The following CSGALNACT2 variants were observed in gnomAD, a reference collection of about 807,000 sequenced individuals.
CSGALNACT2 encodes beta 4 GalNAcT-2.
CSGALNACT2 carries 35 observed loss-of-function variants against 55.3 expected under a neutral mutation model. The observed-to-expected ratio is 0.63, with a 90% CI of 0.48 to 0.84. The LOEUF (loss-of-function observed/expected upper bound fraction) is 0.84, where lower values mean the gene tolerates loss of function less well. Among genes scored for constraint, CSGALNACT2 ranks in the 40% least tolerant of loss-of-function variants. The pLI, the probability that CSGALNACT2 is intolerant of heterozygous loss-of-function variation, is 0.00. For missense variants in CSGALNACT2, 544 were observed against 657.5 expected (o/e 0.83, Z 1.89); for synonymous variants, 196 against 224.9 (o/e 0.87, Z 1.15).
At chr10:43,167,322 GT>G (rs1264655686) in intron 6 of CSGALNACT2, among the ~76,000 whole-genome samples, 1 of 151,400 alleles carries the variant, frequency 6.6e-6, no homozygotes, top group Non-Finnish European at 1.5e-5. Flanking sequence ...GGGGAGCAGA[GT>G]TTAGGTCATA....
rs188393201 is a variant in CSGALNACT2, at chr10:43,151,027, C to G, written c.-253-3870C>G. The stretch of plus-strand genomic sequence containing the variant: ...TCATCTCAGACACTGAAATTTTCAT[C>G]TCCTGAAGTTTAACTTGGATCTCTT... On this transcript the variant is annotated intron_variant, in intron 1 of 7. Coordinates refer to ENST00000374466, the MANE Select transcript of CSGALNACT2 (RefSeq NM_018590.5). Among the ~76,000 whole-genome samples the G allele has an allele frequency of 2.0e-4, 30 of 152,310 alleles. No homozygotes were observed. The East Asian group carries it at 5.2e-3, about 26-fold the overall frequency.
chr10:43,181,350 G>A (rs899240434), intron 7 of CSGALNACT2, among the ~76,000 whole-genome samples: 2 of 152,206 alleles, frequency 1.3e-5, no homozygotes, highest in Non-Finnish European at 2.9e-5. Flanking sequence ...AGACCTAAGA[G>A]GAGTTGTTGC....
intron 1 of CSGALNACT2, among the ~76,000 whole-genome samples, chr10:43,152,898 T>C (rs989645964): frequency 1.3e-5 from 2 of 152,158 alleles, no homozygotes; most frequent in African/African-American, 4.8e-5. Flanking sequence ...AATTCAAGTG[T>C]TTTCTTATGC....
At chr10:43,162,994 A>T in intron 4 of CSGALNACT2, 1 of 985,312 alleles carries the variant, frequency 1.0e-6, no homozygotes, top group South Asian at 4.7e-5. Context: ...TCCCATTTTA[A>T]GATTCCGTTG....
At chr10:43,143,131 C>A (rs1395834991) in intron 1 of CSGALNACT2, among the ~76,000 whole-genome samples, 1 of 152,170 alleles carries the variant, frequency 6.6e-6, no homozygotes, top group South Asian at 2.1e-4. Context: ...TGATGCAGAT[C>A]TTTGAATTCA....
intron 1 of CSGALNACT2, among the ~76,000 whole-genome samples, chr10:43,150,948 T>A (rs1838862494): frequency 6.6e-6 from 1 of 152,230 alleles, no homozygotes; most frequent in Non-Finnish European, 1.5e-5. Flanking sequence ...TCTAGTTTAC[T>A]AATATTTTCT....
intron 1 of CSGALNACT2, among the ~76,000 whole-genome samples, chr10:43,151,785 G>T (rs1838880606): frequency 1.3e-5 from 2 of 152,152 alleles, no homozygotes; most frequent in African/African-American, 2.4e-5. Context: ...TCCTTGTGTG[G>T]CTCAGAAACT....
At chr10:43,155,843 T>G (rs764257096) in intron 2 of CSGALNACT2, 33 bp downstream of exon 2, 30 of 1,538,428 alleles carry the variant, frequency 2.0e-5, no homozygotes, top group Non-Finnish European at 2.4e-5. Context: ...CAATATTATG[T>G]TAGTAAGACA....
rs1203329877 is a variant in CSGALNACT2 at position 43,182,815 on chromosome 10, C to CA, written c.1337-434dup. Among the ~76,000 whole-genome samples the CA allele has an allele frequency of 2.0e-5, 3 of 149,526 alleles. No individual in the cohort carries two copies. In the East Asian group the frequency reaches 5.9e-4, roughly 29 times the overall value. ...GCCTGAGCCACGGAGGTCGATGCTG[C>CA]AGTGAGCCATGATCACACCACTGCA... is the stretch of plus-strand genomic sequence containing the variant. On this transcript the variant is annotated intron_variant, in intron 7 of 7. Coordinates refer to ENST00000374466, the MANE Select transcript of CSGALNACT2 (RefSeq NM_018590.5).
intron 1 of CSGALNACT2, among the ~76,000 whole-genome samples, chr10:43,151,401 G>C (rs902216799): frequency 6.6e-6 from 1 of 152,114 alleles, no homozygotes; most frequent in South Asian, 2.1e-4. Flanking sequence ...GTTTAGTCTA[G>C]AGCTAATTAT....
intron 7 of CSGALNACT2, among the ~76,000 whole-genome samples, chr10:43,180,229 G>A (rs1588916737): frequency 6.6e-6 from 1 of 152,202 alleles, no homozygotes; most frequent in East Asian, 1.9e-4. Context: ...TTTCTTCCTG[G>A]TATTCCCATT....
chr10:43,142,406 G>C (rs1332252669), intron 1 of CSGALNACT2, among the ~76,000 whole-genome samples: 1 of 152,052 alleles, frequency 6.6e-6, no homozygotes, highest in Non-Finnish European at 1.5e-5. Context: ...GTTTCACCGT[G>C]TTCCTCAGGC....
At chr10:43,149,566 G>T (rs1355430982) in intron 1 of CSGALNACT2, among the ~76,000 whole-genome samples, 2 of 152,154 alleles carry the variant, frequency 1.3e-5, no homozygotes, top group Non-Finnish European at 2.9e-5. Context: ...CATGATGTAT[G>T]ATTCCTCTTA....
At chr10:43,142,606 C>T (rs751758484) in intron 1 of CSGALNACT2, among the ~76,000 whole-genome samples, 5 of 152,344 alleles carry the variant, frequency 3.3e-5, no homozygotes, top group Non-Finnish European at 7.3e-5. Flanking sequence ...CAACTATACT[C>T]ATTCACTTAC....
chr10:43,146,890 T>A (rs1223717160), intron 1 of CSGALNACT2, among the ~76,000 whole-genome samples: 1 of 152,080 alleles, frequency 6.6e-6, no homozygotes, highest in Non-Finnish European at 1.5e-5. Context: ...CATTCTATTT[T>A]TAGCCCTTCT....
intron 6 of CSGALNACT2, among the ~76,000 whole-genome samples, chr10:43,167,736 A>G (rs1451231220): frequency 1.3e-5 from 2 of 152,304 alleles, no homozygotes; most frequent in East Asian, 1.9e-4. Flanking sequence ...TGCTAAGTAC[A>G]CTAGGATTAC....
chr10:43,175,971 CT>C lies in CSGALNACT2; in HGVS notation c.1279del (p.Trp427GlyfsTer8), dbSNP rs755369944. ...CTAAGGTTCACAAAAAGGATTCTGG[CT>C]TTTGGCGAGATTTTGGCTTTGGAAT... ...QQLVHKKDSG[F>X]WRDFGFGMTC... On this transcript the variant is annotated frameshift_variant, in exon 7 of 8. Transcript: ENST00000374466. LOFTEE classifies it high-confidence loss of function. The C allele has an allele frequency of 6.2e-7, 1 of 1,604,256 alleles. No individual in the cohort carries two copies. Among genetic ancestry groups the C allele is most frequent in the South Asian group, 1.1e-5 (1 of 89,178 alleles).
rs1839657917 is a variant in CSGALNACT2 at position 43,184,517 on chromosome 10, A to AT, written c.*976dup. On this transcript the variant is annotated 3_prime_UTR_variant, in exon 8 of 8. Coordinates refer to ENST00000374466, the MANE Select transcript of CSGALNACT2 (RefSeq NM_018590.5). ...ATGCTACATTTGTATTTGCATTACTATAATACTTTGAGTTGAAAAAGAGTT... is the reference window on the plus strand; with the variant it reads ...ATGCTACATTTGTATTTGCATTACTATTAATACTTTGAGTTGAAAAAGAGTT... 2.6e-5 allele frequency: 4 copies of AT among 152,230 alleles called. No individual in the cohort carries two copies. The highest frequency in any genetic ancestry group is 9.6e-5 in the African/African-American group (4 of 41,456). The allele number at this position is 152,230 out of a possible 1,614,324, so 9.4% of individuals were successfully genotyped here.
At chr10:43,172,362 AATG>A (rs1179756908) in intron 6 of CSGALNACT2, among the ~76,000 whole-genome samples, 3 of 152,368 alleles carry the variant, frequency 2.0e-5, no homozygotes, top group Non-Finnish European at 2.9e-5. Context: ...GTAACATTTA[AATG>A]ATGATAATAG....
Sources: allele counts gnomAD v4.1 joint callset (sites outside exome capture counted in the v4.1 genomes callset), GRCh38; gene constraint gnomAD v4.1.1; transcripts MANE v1.5; gene names NCBI Gene and HGNC (gene_info 2026-07-23, HGNC 2026-07-21).